ROR2: variants seen among roughly 807,000 people sequenced by gnomAD.
ROR2 encodes tyrosine-protein kinase transmembrane receptor ROR2.
In ROR2, 33 loss-of-function variants were observed where a neutral mutation model predicts 74.9. That is an observed-to-expected ratio of 0.44 (90% CI 0.33 to 0.59). The LOEUF (loss-of-function observed/expected upper bound fraction) is 0.59. ROR2 is among the 20% of genes least tolerant of loss of function. The probability of loss-of-function intolerance (pLI) is 0.02; values close to 1 mark genes in which losing one functional copy is unlikely to be tolerated. For missense variants in ROR2, 1,216 were observed against 1,313.8 expected (o/e 0.93, Z 1.15); for synonymous variants, 586 against 558.7 (o/e 1.05, Z -0.69).
At position 91,810,748 on chromosome 9, in the gene ROR2, G is replaced by A. The variant is rs565861998; in HGVS notation, c.98-34930C>T. 3.3e-5 allele frequency among the ~76,000 whole-genome samples: 5 copies of A among 152,318 alleles called. No homozygotes were observed. The East Asian group carries it at 7.7e-4, about 24-fold the overall frequency. On this transcript the variant is annotated intron_variant, in intron 1 of 8. Coordinates refer to ENST00000375708, the MANE Select transcript of ROR2 (RefSeq NM_004560.4). ...GCGGTCTGTGTCACCAGGTGTGGCC[G>A]GAACAGGAGGGACGACGCTGGCCTC...
intron 7 of ROR2, among the ~76,000 whole-genome samples, chr9:91,729,556 C>T (rs1049477265): frequency 5.3e-5 from 8 of 152,188 alleles, no homozygotes; most frequent in African/African-American, 1.7e-4. Flanking sequence ...AGTAGAGACA[C>T]GCGGGCCTGC....
At chr9:91,736,604 G>T (rs1281120185) in intron 5 of ROR2, among the ~76,000 whole-genome samples, 1 of 152,218 alleles carries the variant, frequency 6.6e-6, no homozygotes, top group African/African-American at 2.4e-5. Flanking sequence ...ATGTGTATGT[G>T]TTTGTGGAGA....
At chr9:91,749,358 G>A (rs528726934) in intron 4 of ROR2, among the ~76,000 whole-genome samples, 13 of 152,248 alleles carry the variant, frequency 8.5e-5, no homozygotes, top group African/African-American at 2.9e-4. Context: ...CTCCTGGTGG[G>A]GGTTCTCCTC....
intron 1 of ROR2, among the ~76,000 whole-genome samples, chr9:91,800,940 C>T (rs1827355341): frequency 6.6e-6 from 1 of 152,162 alleles, no homozygotes; most frequent in Admixed American, 6.5e-5. Flanking sequence ...AGGCCTGGAA[C>T]ACTCTCCTCT....
rs143542907 is a variant in ROR2, at chr9:91,850,334, C to T, written c.98-74516G>A. ...GATGGCCACATTGTAATCCCCAGAACCTGTGACCATGTGGCCTTACATGGC... is the reference window on the plus strand; with the variant it reads ...GATGGCCACATTGTAATCCCCAGAATCTGTGACCATGTGGCCTTACATGGC... On this transcript the variant is annotated intron_variant, in intron 1 of 8. Coordinates refer to ENST00000375708, the MANE Select transcript of ROR2 (RefSeq NM_004560.4). Among the ~76,000 whole-genome samples the T allele has an allele frequency of 4.7e-3, 710 of 152,290 alleles. 4 individuals carry two copies. Among genetic ancestry groups the T allele is most frequent in the African/African-American group, 0.017 (686 of 41,550 alleles).
chr9:91,840,935 T>C (rs7032520), intron 1 of ROR2, among the ~76,000 whole-genome samples: 28,338 of 152,232 alleles, frequency 0.19, 4,603 homozygotes, highest in African/African-American at 0.44. Flanking sequence ...AGATGTGTGG[T>C]CATGGGCTGT....
intron 1 of ROR2, among the ~76,000 whole-genome samples, chr9:91,869,419 C>T (rs1387859748): frequency 2.0e-5 from 3 of 152,132 alleles, no homozygotes; most frequent in Admixed American, 6.5e-5. Context: ...AACCCAAATG[C>T]CCTTGAACAG....
intron 1 of ROR2, among the ~76,000 whole-genome samples, chr9:91,898,787 C>T (rs1161487859): frequency 2.6e-5 from 4 of 152,218 alleles, no homozygotes; most frequent in Non-Finnish European, 5.9e-5. Context: ...AGCCCCAGTG[C>T]AGAAGGAGAC....
intron 1 of ROR2, among the ~76,000 whole-genome samples, chr9:91,902,050 A>G (rs1009997685): frequency 6.6e-6 from 1 of 152,094 alleles, no homozygotes; most frequent in African/African-American, 2.4e-5. Context: ...CACAACGGTT[A>G]ACATTCCTAT....
chr9:91,901,126 G>T (rs1361397161), intron 1 of ROR2, among the ~76,000 whole-genome samples: 1 of 152,174 alleles, frequency 6.6e-6, no homozygotes, highest in Non-Finnish European at 1.5e-5. Flanking sequence ...TTGTAAAACT[G>T]TGTTACTTGA....
rs1830784660 is a variant in ROR2 at position 91,905,227 on chromosome 9, AAC to A, written c.97+44638_97+44639del. ...ACCACATATACACCAAACACCACTC[AAC>A]ACAAACACCACATACAACACATACA... On this transcript the variant is annotated intron_variant, in intron 1 of 8. Coordinates refer to ENST00000375708, the MANE Select transcript of ROR2 (RefSeq NM_004560.4). The surrounding 1 kb of genome is among the most constrained non-coding windows in gnomAD (Gnocchi z 5.3). Among the ~76,000 whole-genome samples, 2 of 151,646 alleles carry A rather than the reference AAC, an allele frequency of 1.3e-5. No individual in the cohort carries two copies. The highest frequency in any genetic ancestry group is 4.8e-5 in the African/African-American group (2 of 41,254).
In ROR2 at chr9:91,898,104, T is replaced by C. The variant is rs532978214; in HGVS notation, c.97+51763A>G. Among the ~76,000 whole-genome samples the C allele has an allele frequency of 1.2e-4, 18 of 152,274 alleles. No homozygotes were observed. The South Asian group carries it at 2.7e-3, about 23-fold the overall frequency. ...CTCCCACAAGCCTGTCTACAATCAC[T>C]GATCCCCTCATGGTCACCGGTTCTG... is the stretch of plus-strand genomic sequence containing the variant. On this transcript the variant is annotated intron_variant, in intron 1 of 8. Coordinates refer to ENST00000375708, the MANE Select transcript of ROR2 (RefSeq NM_004560.4).
chr9:91,910,619 T>C (rs1830951832), intron 1 of ROR2, among the ~76,000 whole-genome samples: 2 of 151,922 alleles, frequency 1.3e-5, no homozygotes, highest in South Asian at 2.1e-4. Flanking sequence ...AAGAGAAGCA[T>C]CATATTCAAA....
At chr9:91,938,283 A>C (rs556323106) in intron 1 of ROR2, among the ~76,000 whole-genome samples, 34 of 151,866 alleles carry the variant, frequency 2.2e-4, no homozygotes, top group Non-Finnish European at 1.5e-5. Context: ...ACATAGTGAG[A>C]CTCTTTCTCT....
intron 4 of ROR2, chr9:91,755,808 C>A: frequency 3.5e-6 from 2 of 578,140 alleles, no homozygotes; most frequent in Non-Finnish European, 6.2e-6. Context: ...TATTTATACT[C>A]CTCTCAGTAG....
chr9:91,880,738 G>A (rs1564016943), intron 1 of ROR2, among the ~76,000 whole-genome samples: 1 of 152,212 alleles, frequency 6.6e-6, no homozygotes. Context: ...AGAAGTTGTG[G>A]GATTTCCTAC....
intron 1 of ROR2, among the ~76,000 whole-genome samples, chr9:91,910,139 C>A (rs7857164): frequency 1.3e-5 from 2 of 152,014 alleles, no homozygotes; most frequent in African/African-American, 2.4e-5. Context: ...GGATTACAGG[C>A]GTGAGCAACC....
At position 91,942,720 on chromosome 9, in the gene ROR2, A is replaced by G. The variant is rs563932236; in HGVS notation, c.97+7147T>C. Among the ~76,000 whole-genome samples the G allele has an allele frequency of 5.9e-5, 9 of 152,322 alleles. 1 individual carries two copies. The South Asian group carries it at 1.7e-3, about 28-fold the overall frequency. ...GTATTTACAGTGGTCCCTAAATCCA[A>G]TCACTGGTGTCCTTACAATAAAAGG... On this transcript the variant is annotated intron_variant, in intron 1 of 8. Transcript: ENST00000375708.
In ROR2 at chr9:91,725,047, G is replaced by C. The variant is rs1428165900; in HGVS notation, c.1447C>G (p.Arg483Gly). The C allele has an allele frequency of 1.2e-5, 19 of 1,613,882 alleles. No individual in the cohort carries two copies. Among genetic ancestry groups the C allele is most frequent in the Non-Finnish European group, 1.5e-5 (18 of 1,180,032 alleles). The part of the protein sequence containing the change: ...VRFMEELGED[R>G]FGKVYKGHLF... The stretch of plus-strand genomic sequence containing the variant: ...TGACCTTTGTAGACTTTCCCAAACC[G>C]GTCCTCTCCCAGCTCCTCCATGAAC... The change falls in exon 9 of 9, where the codon CGG becomes GGG. Residue 483 changes from arginine (R) to glycine (G), a missense_variant. Arg to Gly is a moderately radical substitution (Grantham distance 125). Transcript: ENST00000375708.
Sources: gnomAD v4.1 joint callset for allele counts (sites outside exome capture counted in the v4.1 genomes callset) on GRCh38, gnomAD v4.1.1 for gene constraint, Gnocchi (gnomAD v3.1) non-coding constraint, MANE v1.5 for transcripts, NCBI Gene and HGNC (gene_info 2026-07-23, HGNC 2026-07-21) for gene names.